Variants in IGF1R observed in about 807,000 individuals in gnomAD.
The protein encoded by IGF1R is insulin like growth factor 1 receptor.
IGF1R carries 44 observed loss-of-function variants against 144.6 expected under a neutral mutation model. That is an observed-to-expected ratio of 0.30 (90% confidence interval 0.24 to 0.39). The LOEUF (loss-of-function observed/expected upper bound fraction) is 0.39. Ranked by LOEUF, IGF1R falls within the 10% of genes least tolerant of loss-of-function variation. The pLI, the probability that IGF1R is intolerant of heterozygous loss-of-function variation, is 1.00. For synonymous variants in IGF1R, 795 were observed against 722.8 expected, an observed-to-expected ratio of 1.10 and a Z score of -1.60; for missense variants, 1,355 against 1,833.7, an observed-to-expected ratio of 0.74 and a Z score of 4.77.
chr15:98,700,238 A>G (rs552571290), intron 1 of IGF1R, among the ~76,000 whole-genome samples: 18 of 152,246 alleles, frequency 1.2e-4, no homozygotes, highest in African/African-American at 3.9e-4. Context: ...TGGGAGGATC[A>G]TATACTAGGG....
intron 2 of IGF1R, among the ~76,000 whole-genome samples, chr15:98,711,197 A>C (rs1420690344): frequency 1.3e-5 from 2 of 152,202 alleles, no homozygotes. Context: ...GAGTCCAGGC[A>C]GAATGGCTAC....
At chr15:98,869,799 C>T (rs936771366) in intron 2 of IGF1R, among the ~76,000 whole-genome samples, 1 of 152,146 alleles carries the variant, frequency 6.6e-6, no homozygotes, top group African/African-American at 2.4e-5. Context: ...CACCTGCCTC[C>T]CCCCATTTTA....
intron 2 of IGF1R, among the ~76,000 whole-genome samples, chr15:98,835,861 T>A (rs945382676): frequency 1.3e-5 from 2 of 152,240 alleles, no homozygotes; most frequent in African/African-American, 2.4e-5. Flanking sequence ...AGTATTTGTT[T>A]TGGGCTCTAG....
chr15:98,833,799 T>C (rs1010371720), intron 2 of IGF1R, among the ~76,000 whole-genome samples: 1 of 152,218 alleles, frequency 6.6e-6, no homozygotes, highest in Non-Finnish European at 1.5e-5. Flanking sequence ...GTTTGCTTTT[T>C]TTATTAAAAA....
chr15:98,911,211 A>G (rs923139543), intron 6 of IGF1R, 104 bp from the exon 7 acceptor site: 3 of 1,334,464 alleles, frequency 2.2e-6, no homozygotes, highest in East Asian at 2.4e-5. Flanking sequence ...GGAACTTAGC[A>G]TATACAGCCA....
At chr15:98,701,430 G>A (rs973515772) in intron 1 of IGF1R, among the ~76,000 whole-genome samples, 5 of 139,206 alleles carry the variant, frequency 3.6e-5, no homozygotes, top group African/African-American at 5.5e-5. Flanking sequence ...TCCGCCTCCC[G>A]GGTTCATGCC....
intron 2 of IGF1R, among the ~76,000 whole-genome samples, chr15:98,716,321 T>C (rs1205936971): frequency 1.3e-5 from 2 of 151,908 alleles, no homozygotes; most frequent in Non-Finnish European, 2.9e-5. Context: ...TCTCTCTCTG[T>C]CTCTCTCTCT....
At chr15:98,754,313 A>G (rs1474962816) in intron 2 of IGF1R, among the ~76,000 whole-genome samples, 1 of 152,166 alleles carries the variant, frequency 6.6e-6, no homozygotes, top group Non-Finnish European at 1.5e-5. Flanking sequence ...TTGGAAGTAG[A>G]GGGCTCTACT....
At chr15:98,659,015 A>C (rs937159299) in intron 1 of IGF1R, among the ~76,000 whole-genome samples, 3 of 152,370 alleles carry the variant, frequency 2.0e-5, no homozygotes, top group African/African-American at 7.2e-5. Context: ...GGCACCTGGT[A>C]TTAAGCCCTT....
chr15:98,712,164 C>G (rs141279810), intron 2 of IGF1R, among the ~76,000 whole-genome samples: 2 of 152,254 alleles, frequency 1.3e-5, no homozygotes, highest in African/African-American at 4.8e-5. Context: ...CTCATCTCAT[C>G]CACTGGTAAC....
intron 1 of IGF1R, among the ~76,000 whole-genome samples, chr15:98,659,765 A>T (rs1347546087): frequency 1.3e-5 from 2 of 152,148 alleles, no homozygotes; most frequent in Admixed American, 6.5e-5. Flanking sequence ...ATTAGAGATT[A>T]AAAAAACACT....
In IGF1R at chr15:98,879,908, T is replaced by C. The variant is rs561943860; in HGVS notation, c.641-11417T>C. Among the ~76,000 whole-genome samples the C allele has an allele frequency of 3.9e-5, 6 of 152,328 alleles. No homozygotes were observed. The South Asian group carries it at 1.2e-3, about 32-fold the overall frequency. On this transcript the variant is annotated intron_variant, in intron 2 of 20. Coordinates refer to ENST00000650285, the MANE Select transcript of IGF1R (RefSeq NM_000875.5). ...ACTACCTATTGTCTGATTCCATTCA[T>C]GTAAAATATCCAGAATAGGCAAATC...
intron 4 of IGF1R, 98 bp from the exon 5 acceptor site, chr15:98,899,379 C>G: frequency 1.5e-5 from 19 of 1,244,468 alleles, no homozygotes; most frequent in Non-Finnish European, 4.7e-6. Flanking sequence ...TCAGGGGGCA[C>G]CTGCCGTTGA....
At chr15:98,674,977 ATTTTTTTT>A (rs71149408) in intron 1 of IGF1R, among the ~76,000 whole-genome samples, 6 of 98,906 alleles carry the variant, frequency 6.1e-5, no homozygotes, top group Middle Eastern at 7.8e-3. Flanking sequence ...GTATTTTACA[ATTTTTTTT>A]TTTTTTTTTT....
At chr15:98,747,876 C>T (rs1286335247) in intron 2 of IGF1R, among the ~76,000 whole-genome samples, 2 of 152,004 alleles carry the variant, frequency 1.3e-5, no homozygotes, top group African/African-American at 4.8e-5. Flanking sequence ...CTTACTGACG[C>T]TTAAAAATAT....
rs544674838 is a variant in IGF1R at position 98,649,525 on chromosome 15, CTTT to C, written c.-35_-33del. 3,577 of 723,164 alleles carry C rather than the reference CTTT, an allele frequency of 4.9e-3. 24 individuals are homozygous for C. Among genetic ancestry groups the C allele is most frequent in the African/African-American group, 0.04 (1,906 of 47,232 alleles). 44.8% of individuals were successfully genotyped at this position (723,164 alleles called of 1,614,324 possible). A position where few individuals can be genotyped will look rare whatever the true frequency, so the allele number is the denominator to read the frequency against. On this transcript the variant is annotated 5_prime_UTR_variant, in exon 1 of 21. Coordinates refer to ENST00000650285, the MANE Select transcript of IGF1R (RefSeq NM_000875.5). ...TCATTTCCTTTTTTTCTTTTCTTTT[CTTT>C]TTTTTTTTTTTTTTTTTTTTTGAGA...
intron 1 of IGF1R, among the ~76,000 whole-genome samples, chr15:98,656,134 G>T (rs1036626831): frequency 1.3e-5 from 2 of 152,254 alleles, no homozygotes; most frequent in African/African-American, 4.8e-5. Context: ...TCACTTGGTG[G>T]TTGGTGGTCT....
Position 98,916,783 on chromosome 15 carries a change from C to T in IGF1R, c.2108C>T (p.Pro703Leu), listed in dbSNP as rs1184695676. The T allele has an allele frequency of 6.2e-7, 1 of 1,614,040 alleles. No homozygotes were observed. Among genetic ancestry groups the T allele is most frequent in the Non-Finnish European group, 8.5e-7 (1 of 1,180,004 alleles). ...GGEKGPCCACPKTEAEKQAEK... is the reference protein window; with the variant it reads ...GGEKGPCCACLKTEAEKQAEK... ...GAGAAAGGGCCTTGCTGCGCCTGCC[C>T]CAAAACTGAAGCCGAGAAGCAGGCC... The change falls in exon 10 of 21, where the codon CCC (proline) becomes CTC (leucine). Residue 703 changes from proline to leucine, a missense_variant. Physicochemically the swap from Pro to Leu is moderately conservative, Grantham distance 98. Around this residue, in one of 7 missense-constraint regions of IGF1R, gnomAD observed 880 missense variants for 1,202.7 expected, o/e 0.73. Coordinates refer to ENST00000650285, the MANE Select transcript of IGF1R (RefSeq NM_000875.5).
intron 2 of IGF1R, among the ~76,000 whole-genome samples, chr15:98,741,364 G>A (rs1325142814): frequency 6.6e-6 from 1 of 151,376 alleles, no homozygotes; most frequent in Non-Finnish European, 1.5e-5. Flanking sequence ...TTCTTTTAGG[G>A]TTAGGTAAGA....
Sources: gnomAD v4.1 joint callset for allele counts (sites outside exome capture counted in the v4.1 genomes callset) on GRCh38, gnomAD v4.1.1 for gene constraint, gnomAD v4.1.1 regional missense constraint, MANE v1.5 for transcripts, NCBI Gene and HGNC (gene_info 2026-07-23, HGNC 2026-07-21) for gene names.